The following RCAN2 variants were observed in gnomAD, a reference collection of about 807,000 sequenced individuals.
RCAN2 encodes the protein regulator of calcineurin 2.
In RCAN2, 9 loss-of-function variants were observed where a neutral mutation model predicts 23.6. That is an observed-to-expected ratio of 0.38 (90% confidence interval 0.23 to 0.67). The LOEUF (loss-of-function observed/expected upper bound fraction) is 0.67, where lower values mean the gene tolerates loss of function less well. RCAN2 is among the 30% of genes least tolerant of loss of function. RCAN2 has a pLI of 0.51. For missense variants in RCAN2, 273 were observed against 302.3 expected, an observed-to-expected ratio of 0.90 and a Z score of 0.72; for synonymous variants, 109 against 115.7, an observed-to-expected ratio of 0.94 and a Z score of 0.37.
intron 1 of RCAN2, among the ~76,000 whole-genome samples, chr6:46,472,668 C>T (rs1305339930): frequency 6.6e-6 from 1 of 152,146 alleles, no homozygotes; most frequent in Non-Finnish European, 1.5e-5. Flanking sequence ...GATTGTCTAC[C>T]TTGTTCACAT....
chr6:46,268,118 T>G (rs573394579), intron 2 of RCAN2, among the ~76,000 whole-genome samples: 33 of 152,232 alleles, frequency 2.2e-4, no homozygotes, highest in Non-Finnish European at 3.7e-4. Flanking sequence ...TCTTGACCTG[T>G]GGGAGTTTGG....
At chr6:46,250,020 C>T (rs181102000) in intron 2 of RCAN2, among the ~76,000 whole-genome samples, 5 of 152,162 alleles carry the variant, frequency 3.3e-5, no homozygotes, top group Non-Finnish European at 7.4e-5. Context: ...ACTTTAGACT[C>T]AATACACAAT....
At chr6:46,362,055 C>T (rs937061647) in intron 2 of RCAN2, among the ~76,000 whole-genome samples, 5 of 152,060 alleles carry the variant, frequency 3.3e-5, no homozygotes, top group Admixed American at 6.6e-5. Context: ...TTTCATTTCA[C>T]AAACTGACTT....
At chr6:46,476,710 T>C (rs1393255950) in intron 1 of RCAN2, among the ~76,000 whole-genome samples, 1 of 146,572 alleles carries the variant, frequency 6.8e-6, no homozygotes, top group Non-Finnish European at 1.5e-5. Context: ...TTTTGTCTTT[T>C]GTTCTAGGTT....
chr6:46,316,526 A>G (rs1170231323), intron 2 of RCAN2, among the ~76,000 whole-genome samples: 2 of 152,168 alleles, frequency 1.3e-5, no homozygotes, highest in African/African-American at 4.8e-5. Context: ...TCATAACAGC[A>G]TCATCCTTTT....
intron 2 of RCAN2, among the ~76,000 whole-genome samples, chr6:46,323,020 AG>A (rs2150363011): frequency 6.6e-6 from 1 of 152,350 alleles, no homozygotes; most frequent in South Asian, 2.1e-4. Context: ...GCTTTACATT[AG>A]ATGATTAAAT....
intron 2 of RCAN2, among the ~76,000 whole-genome samples, chr6:46,260,672 G>A (rs1009942024): frequency 6.6e-6 from 1 of 152,130 alleles, no homozygotes; most frequent in Non-Finnish European, 1.5e-5. Flanking sequence ...GTTCTGGTGG[G>A]GCACTCACCA....
At chr6:46,436,434 C>T (rs536271626) in intron 2 of RCAN2, among the ~76,000 whole-genome samples, 29 of 152,236 alleles carry the variant, frequency 1.9e-4, no homozygotes, top group Admixed American at 1.6e-3. Context: ...AGGCTGGTTT[C>T]GAACTCCTGA....
rs144551464 is a variant in RCAN2, at chr6:46,457,718, T to C, written c.-2-740A>G. Among the ~76,000 whole-genome samples the C allele has an allele frequency of 1.1e-3, 175 of 152,212 alleles. 1 individual carries two copies. The highest frequency in any genetic ancestry group is 6.8e-3 in the Middle Eastern group (2 of 294). ...TTCTGACTGAGATAATTACTTCAAG[T>C]CATTTGTGAACCAGGTCCAGATCCT... is the stretch of plus-strand genomic sequence containing the variant. On this transcript the variant is annotated intron_variant, in intron 1 of 4. Coordinates refer to ENST00000371374, the MANE Select transcript of RCAN2 (RefSeq NM_001251974.2).
intron 2 of RCAN2, among the ~76,000 whole-genome samples, chr6:46,333,469 G>A (rs1206860409): frequency 3.3e-5 from 5 of 152,300 alleles, no homozygotes; most frequent in Admixed American, 2.0e-4. Context: ...ATTAAATAAT[G>A]CAGCAATGGA....
chr6:46,359,441 T>G (rs1163516060), intron 2 of RCAN2, among the ~76,000 whole-genome samples: 1 of 152,246 alleles, frequency 6.6e-6, no homozygotes, highest in Non-Finnish European at 1.5e-5. Flanking sequence ...GCCTAGAGTC[T>G]AAAGATATTT....
At chr6:46,476,954 C>T (rs2150444850) in intron 1 of RCAN2, among the ~76,000 whole-genome samples, 1 of 152,192 alleles carries the variant, frequency 6.6e-6, no homozygotes, top group Non-Finnish European at 1.5e-5. Context: ...CACCAGTGGT[C>T]AATCATGTAA....
intron 2 of RCAN2, among the ~76,000 whole-genome samples, chr6:46,399,232 C>T (rs1766177913): frequency 1.3e-5 from 2 of 151,942 alleles, no homozygotes; most frequent in African/African-American, 4.8e-5. Context: ...ATGCCAAGAT[C>T]GCTGATCTTT....
intron 4 of RCAN2, among the ~76,000 whole-genome samples, chr6:46,224,080 C>A (rs1051175790): frequency 6.6e-6 from 1 of 152,152 alleles, no homozygotes; most frequent in African/African-American, 2.4e-5. Context: ...AAATGGTGAG[C>A]ACTATGGTGG....
At chr6:46,458,523 T>C (rs1345754644) in intron 1 of RCAN2, among the ~76,000 whole-genome samples, 1 of 152,116 alleles carries the variant, frequency 6.6e-6, no homozygotes, top group African/African-American at 2.4e-5. Flanking sequence ...ATAAAACAAT[T>C]CTTGCACTCC....
At chr6:46,368,961 T>C (rs1765252306) in intron 2 of RCAN2, among the ~76,000 whole-genome samples, 1 of 152,252 alleles carries the variant, frequency 6.6e-6, no homozygotes, top group African/African-American at 2.4e-5. Context: ...AAATAGTTTT[T>C]AACTTTTCTG....
chr6:46,478,664 C>T (rs886264813), intron 1 of RCAN2, among the ~76,000 whole-genome samples: 16 of 152,204 alleles, frequency 1.1e-4, no homozygotes, highest in Admixed American at 4.6e-4. Context: ...TCATAAGCAA[C>T]ACCGAAGAAC....
chr6:46,299,306 T>C (rs910295023), intron 2 of RCAN2, among the ~76,000 whole-genome samples: 1 of 152,028 alleles, frequency 6.6e-6, no homozygotes, highest in Non-Finnish European at 1.5e-5. Flanking sequence ...TCAATGCATA[T>C]GGATTTCAAG....
chr6:46,291,228 A>C (rs1000164412), intron 2 of RCAN2, among the ~76,000 whole-genome samples: 1 of 152,178 alleles, frequency 6.6e-6, no homozygotes, highest in Non-Finnish European at 1.5e-5. Context: ...GTCAGGGGGA[A>C]AAAAAGCTGA....
Sources: allele counts gnomAD v4.1 joint callset (sites outside exome capture counted in the v4.1 genomes callset), GRCh38; gene constraint gnomAD v4.1.1; transcripts MANE v1.5; gene names NCBI Gene and HGNC (gene_info 2026-07-23, HGNC 2026-07-21).